PPP1R13B: variants seen among roughly 807,000 people sequenced by gnomAD.
PPP1R13B encodes the protein protein phosphatase 1 regulatory subunit 13B.
Under a neutral mutation model 119.8 loss-of-function variants are expected in PPP1R13B, and 44 were observed. The observed-to-expected ratio is 0.37, with a 90% confidence interval of 0.29 to 0.47. The LOEUF is 0.47. PPP1R13B is among the 20% of genes least tolerant of loss of function. The pLI is 0.99. For missense variants in PPP1R13B, 1,227 were observed against 1,413.5 expected (o/e 0.87, Z 2.12); for synonymous variants, 542 against 561.5 (o/e 0.97, Z 0.49).
At chr14:103,746,244 G>A (rs2084381517) in intron 9 of PPP1R13B, 129 bp downstream of exon 9, 4 of 989,380 alleles carry the variant, frequency 4.0e-6, no homozygotes, top group African/African-American at 3.3e-5. Context: ...CTCACGGGGA[G>A]ACTGAGCCTG....
At position 103,753,141 on chromosome 14, in the gene PPP1R13B, C is replaced by T; in HGVS notation, c.687G>A (p.Gln229=). The T allele has an allele frequency of 6.2e-7, 1 of 1,613,466 alleles. No individual in the cohort carries two copies. Among genetic ancestry groups the T allele is most frequent in the Non-Finnish European group, 8.5e-7 (1 of 1,180,018 alleles). ...GCTGATCAACCCTTAAAATTGCAGTCTGTACTTCCTGCTTCTTTTCCTGGA... is the reference window on the plus strand; with the variant it reads ...GCTGATCAACCCTTAAAATTGCAGTTTGTACTTCCTGCTTCTTTTCCTGGA... ...AMFQEKKQEV[Q]TAILRVDQLS... is the part of the protein sequence containing the mutation. The change falls in exon 7 of 17, where the codon CAG becomes CAA. Residue 229 remains glutamine (Q), a synonymous_variant. Transcript: ENST00000202556.
At chr14:103,743,210 T>C (rs2084302896) in intron 9 of PPP1R13B, among the ~76,000 whole-genome samples, 1 of 152,254 alleles carries the variant, frequency 6.6e-6, no homozygotes, top group Admixed American at 6.5e-5. Context: ...ACACTATTTA[T>C]GAATACAATT....
intron 4 of PPP1R13B, among the ~76,000 whole-genome samples, chr14:103,777,988 G>C (rs1264107684): frequency 6.7e-6 from 1 of 149,908 alleles, no homozygotes; most frequent in South Asian, 2.1e-4. Flanking sequence ...AATTTCGCTC[G>C]TTGCCCAGGC....
At chr14:103,787,357 A>C (rs998122258) in intron 2 of PPP1R13B, among the ~76,000 whole-genome samples, 3 of 151,986 alleles carry the variant, frequency 2.0e-5, no homozygotes, top group Non-Finnish European at 2.9e-5. Context: ...GCTGAGGCAG[A>C]GAACTGCTTG....
chr14:103,829,405 A>C (rs2086619888), intron 1 of PPP1R13B, among the ~76,000 whole-genome samples: 1 of 152,220 alleles, frequency 6.6e-6, no homozygotes. Flanking sequence ...GAATCAAAAT[A>C]ATTTAATGTT....
At chr14:103,838,246 ACAG>A (rs1233092568) in intron 1 of PPP1R13B, among the ~76,000 whole-genome samples, 2 of 152,092 alleles carry the variant, frequency 1.3e-5, no homozygotes, top group Admixed American at 6.6e-5. Flanking sequence ...ACAGACACAC[ACAG>A]CTCTTCACAA....
rs2084946109 is a variant in PPP1R13B, at chr14:103,766,662, C to T, written c.355-8911G>A. ...TCTCGCTCTGTCACCAGCTAGAGTG[C>T]AGTGGCGCTATCTCAGCTCACTGCA... On this transcript the variant is annotated intron_variant, in intron 4 of 16. Coordinates refer to ENST00000202556, the MANE Select transcript of PPP1R13B (RefSeq NM_015316.3). 2.0e-5 allele frequency among the ~76,000 whole-genome samples: 3 copies of T among 152,158 alleles called. No homozygotes were observed. In the South Asian group the frequency reaches 6.2e-4, roughly 32 times the overall value.
chr14:103,743,734 C>T (rs771194207), intron 9 of PPP1R13B, among the ~76,000 whole-genome samples: 1 of 152,242 alleles, frequency 6.6e-6, no homozygotes, highest in Non-Finnish European at 1.5e-5. Flanking sequence ...AACTAAGTAG[C>T]AGCAGGAAAA....
intron 7 of PPP1R13B, among the ~76,000 whole-genome samples, chr14:103,752,189 A>G (rs769714666): frequency 6.6e-6 from 1 of 152,186 alleles, no homozygotes; most frequent in African/African-American, 2.4e-5. Flanking sequence ...TCCAATGAGC[A>G]TGTATTTCCT....
rs747109660 is a variant in PPP1R13B, at chr14:103,754,188, A to G, written c.513T>C (p.Ser171=). Reference sequence around the variant, plus strand: ...TCAATTTCTGAAGCTTTTCATTTTCAGAAATAGACTGCTGCTGACGGCGCT... The same window carrying G: ...TCAATTTCTGAAGCTTTTCATTTTCGGAAATAGACTGCTGCTGACGGCGCT... ...QQERRQQQSI[S]ENEKLQKLKE... The change falls in exon 6 of 17, where the codon TCT becomes TCC. Residue 171 remains serine, a synonymous_variant. Transcript: ENST00000202556. The G allele has an allele frequency of 4.3e-6, 7 of 1,613,880 alleles. No homozygotes were observed. The African/African-American group carries it at 9.3e-5, about 22-fold the overall frequency.
In PPP1R13B at chr14:103,749,917, G is replaced by A; in HGVS notation, c.846C>T (p.Asn282=). 6.2e-7 allele frequency: 1 copy of A among 1,613,588 alleles called. No homozygotes were observed. The highest frequency in any genetic ancestry group is 1.3e-5 in the African/African-American group (1 of 74,976). The change falls in exon 8 of 17, where the codon AAC becomes AAT. Residue 282 remains asparagine (N), a synonymous_variant. Transcript: ENST00000202556. The part of the protein sequence containing the change: ...YQELQIRNQL[N]QEQNSKLQQQ... ...GCTGAAGTTTTGAATTTTGTTCCTGGTTAAGTTGGTTACGAATCTACAAAC... is the reference window on the plus strand; with the variant it reads ...GCTGAAGTTTTGAATTTTGTTCCTGATTAAGTTGGTTACGAATCTACAAAC...
intron 5 of PPP1R13B, 101 bp downstream of exon 5, chr14:103,757,549 T>C: frequency 1.8e-6 from 2 of 1,082,862 alleles, no homozygotes; most frequent in Non-Finnish European, 2.7e-6. Context: ...CATGGTCCTA[T>C]TTTATAAGCG....
intron 2 of PPP1R13B, among the ~76,000 whole-genome samples, chr14:103,792,183 T>TGTGTGA (rs1185193535): frequency 7.5e-6 from 1 of 134,104 alleles, no homozygotes; most frequent in Non-Finnish European, 1.7e-5. Context: ...TGTGTGTGTG[T>TGTGTGA]GTGTGTGTGT....
chr14:103,844,310 G>C lies in PPP1R13B; in HGVS notation c.9+2989C>G, dbSNP rs555764952. On this transcript the variant is annotated intron_variant, in intron 1 of 16. Coordinates refer to ENST00000202556, the MANE Select transcript of PPP1R13B (RefSeq NM_015316.3). ...AGAAGGTGGAAAGTCACAGCACTTT[G>C]TACGACAGCAAATAGAAGACTTCTA... 3.3e-3 allele frequency among the ~76,000 whole-genome samples: 498 copies of C among 151,358 alleles called. 2 individuals are homozygous for C. The highest frequency in any genetic ancestry group is 0.011 in the African/African-American group (470 of 41,284).
intron 2 of PPP1R13B, among the ~76,000 whole-genome samples, chr14:103,789,701 A>C (rs1301222796): frequency 2.6e-5 from 4 of 151,828 alleles, no homozygotes; most frequent in Admixed American, 2.0e-4. Context: ...TTTAGTAGAG[A>C]CAGAGTTTCA....
chr14:103,770,674 T>G (rs2085046589), intron 4 of PPP1R13B, among the ~76,000 whole-genome samples: 1 of 152,106 alleles, frequency 6.6e-6, no homozygotes, highest in African/African-American at 2.4e-5. Context: ...ACATGAGAAC[T>G]ATGACAACAC....
At chr14:103,760,280 C>T (rs1271575424) in intron 4 of PPP1R13B, among the ~76,000 whole-genome samples, 1 of 152,204 alleles carries the variant, frequency 6.6e-6, no homozygotes, top group Non-Finnish European at 1.5e-5. Flanking sequence ...TACATGCAAA[C>T]TATCCCTACT....
intron 4 of PPP1R13B, among the ~76,000 whole-genome samples, chr14:103,761,629 G>A (rs1438852799): frequency 6.6e-6 from 1 of 152,064 alleles, no homozygotes; most frequent in Non-Finnish European, 1.5e-5. Flanking sequence ...CGGGCATGGT[G>A]GCAGGTGCCT....
At chr14:103,829,703 G>A (rs1029891706) in intron 1 of PPP1R13B, among the ~76,000 whole-genome samples, 7 of 152,170 alleles carry the variant, frequency 4.6e-5, no homozygotes, top group Admixed American at 1.3e-4. Context: ...TCAAACTCCT[G>A]GGCTCAGGCA....
Sources: allele counts gnomAD v4.1 joint callset (sites outside exome capture counted in the v4.1 genomes callset), GRCh38; gene constraint gnomAD v4.1.1; transcripts MANE v1.5; gene names NCBI Gene and HGNC (gene_info 2026-07-23, HGNC 2026-07-21).